Variants in CBX2 observed in about 807,000 individuals in gnomAD.
CBX2 encodes chromobox 2.
CBX2 carries 11 observed loss-of-function variants against 21.0 expected under a neutral mutation model. The observed-to-expected ratio is 0.52, with a 90% CI of 0.33 to 0.87. The LOEUF (loss-of-function observed/expected upper bound fraction) is 0.87, where lower values mean the gene tolerates loss of function less well. CBX2 is among the 40% of genes least tolerant of loss of function. The pLI is 0.02. For synonymous variants in CBX2, 364 were observed against 304.6 expected, an observed-to-expected ratio of 1.19 and a Z score of -2.03; for missense variants, 746 against 724.3, an observed-to-expected ratio of 1.03 and a Z score of -0.34.
Position 79,779,346 on chromosome 17 carries a change from G to C in CBX2, c.117-16G>C. 2 of 1,612,906 alleles carry C rather than the reference G, an allele frequency of 1.2e-6. No individual in the cohort carries two copies. Among genetic ancestry groups the C allele is most frequent in the Non-Finnish European group, 1.7e-6 (2 of 1,179,606 alleles). Reference sequence around the variant, plus strand: ...TCAGCCTGGCGTCTAATGCTGCCCTGTCCTCTGCTTTGCAGACATAACAGC... The same window carrying C: ...TCAGCCTGGCGTCTAATGCTGCCCTCTCCTCTGCTTTGCAGACATAACAGC... On this transcript the variant is annotated splice_polypyrimidine_tract_variant and intron_variant, in intron 2 of 4. Transcript: ENST00000310942.
chr17:79,783,432 C>A (rs536411911), intron 4 of CBX2, among the ~76,000 whole-genome samples: 1 of 146,444 alleles, frequency 6.8e-6, no homozygotes, highest in African/African-American at 2.5e-5. Flanking sequence ...TTTTTTGAGA[C>A]GTAGTCTCGC....
upstream of CBX2, among the ~76,000 whole-genome samples, chr17:79,777,515 A>T (rs74851309): frequency 0.018 from 2,751 of 152,314 alleles, 95 homozygotes; most frequent in African/African-American, 0.063. Context: ...TTTAAGTTAA[A>T]GCATTTTCCT....
chr17:79,779,693 C>A, intron 3 of CBX2: 1 of 520,160 alleles, frequency 1.9e-6, no homozygotes, highest in Non-Finnish European at 3.5e-6. Context: ...GCCATACTTG[C>A]AAAAACCAAC....
At position 79,787,879 on chromosome 17, in the gene CBX2, A is replaced by G. The variant is rs1447671541; in HGVS notation, c.*2837A>G. On this transcript the variant is annotated 3_prime_UTR_variant, in exon 5 of 5. Transcript: ENST00000310942. Reference sequence around the variant, plus strand: ...GGGCTCTGGGCCGAGAGCTTTCACTAAGGGGAGACTTCAGGGGAGGATCAA... The same window carrying G: ...GGGCTCTGGGCCGAGAGCTTTCACTGAGGGGAGACTTCAGGGGAGGATCAA... 1 of 152,162 alleles carries G rather than the reference A, an allele frequency of 6.6e-6. No homozygotes were observed. Among genetic ancestry groups the G allele is most frequent in the African/African-American group, 2.4e-5 (1 of 41,434 alleles). 9.4% of individuals were successfully genotyped at this position (152,162 alleles called of 1,614,324 possible). A position where few individuals can be genotyped will look rare whatever the true frequency, so the allele number is the denominator to read the frequency against.
rs570099997 is a variant in CBX2, at chr17:79,782,247, C to T, written c.288+446C>T. 111 of 1,575,622 alleles carry T rather than the reference C, an allele frequency of 7.0e-5. 1 individual carries two copies. In the South Asian group the frequency reaches 9.6e-4, roughly 14 times the overall value. On this transcript the variant is annotated intron_variant, in intron 4 of 4. Transcript: ENST00000310942. ...GGTGCACCTTAAATCGAGGTGGCCA[C>T]GAAAGGCAGGGCTGACTGAATAGCC...
rs933722661 is a variant in CBX2, at chr17:79,787,831, C to T, written c.*2789C>T. On this transcript the variant is annotated 3_prime_UTR_variant, in exon 5 of 5. Coordinates refer to ENST00000310942, the MANE Select transcript of CBX2 (RefSeq NM_005189.3). ...GAGTGTTCCTTGTTTTGGTTACACT[C>T]GAAATTCTGACCTAGCTGGAGAGGG... 1 of 152,094 alleles carries T rather than the reference C, an allele frequency of 6.6e-6. No homozygotes were observed. The highest frequency in any genetic ancestry group is 1.5e-5 in the Non-Finnish European group (1 of 68,028). 9.4% of individuals were successfully genotyped at this position (152,094 alleles called of 1,614,324 possible). A position where few individuals can be genotyped will look rare whatever the true frequency, so the allele number is the denominator to read the frequency against.
At chr17:79,782,810 G>A (rs952481848) in intron 4 of CBX2, among the ~76,000 whole-genome samples, 3 of 152,132 alleles carry the variant, frequency 2.0e-5, no homozygotes, top group African/African-American at 4.8e-5. Flanking sequence ...GTAGGGAGGC[G>A]GTGTTGGATC....
chr17:79,783,706 A>G (rs1555830935), intron 4 of CBX2, 26 bp from the exon 5 acceptor site: 1 of 1,547,002 alleles, frequency 6.5e-7, no homozygotes, highest in Non-Finnish European at 8.7e-7. Flanking sequence ...CACTGCACCC[A>G]GCCAACTTCT....
Position 79,784,739 on chromosome 17 carries a change from G to T in CBX2, c.1296G>T (p.Lys432Asn), listed in dbSNP as rs1907510127. Reference protein sequence around the residue: ...PTPASKRDCVKGSATPSGQES... With the variant: ...PTPASKRDCVNGSATPSGQES... Reference sequence around the variant, plus strand: ...CTGCCAGCAAGAGGGACTGTGTCAAGGGCAGTGCTACCCCCAGTGGGCAGG... The same window carrying T: ...CTGCCAGCAAGAGGGACTGTGTCAATGGCAGTGCTACCCCCAGTGGGCAGG... The change falls in exon 5 of 5, where the codon AAG becomes AAT. Residue 432 changes from lysine (K) to asparagine (N), a missense_variant. Coordinates refer to ENST00000310942, the MANE Select transcript of CBX2 (RefSeq NM_005189.3). This position sits in a 1 kb window ranked among gnomAD's most constrained non-coding sequence, Gnocchi z 5.9. 5 of 1,611,198 alleles carry T rather than the reference G, an allele frequency of 3.1e-6. No individual in the cohort carries two copies. Among genetic ancestry groups the T allele is most frequent in the Non-Finnish European group, 4.2e-6 (5 of 1,179,218 alleles).
At position 79,784,259 on chromosome 17, in the gene CBX2, C is replaced by T. The variant is rs1907455856; in HGVS notation, c.816C>T (p.Ser272=). 2 of 1,612,970 alleles carry T rather than the reference C, an allele frequency of 1.2e-6. No individual in the cohort carries two copies. Among genetic ancestry groups the T allele is most frequent in the South Asian group, 1.1e-5 (1 of 91,078 alleles). Residue 272 remains serine (S), a synonymous_variant, in exon 5 of 5, where the codon AGC becomes AGT. Coordinates refer to ENST00000310942, the MANE Select transcript of CBX2 (RefSeq NM_005189.3). The surrounding 1 kb of genome is among the most constrained non-coding windows in gnomAD (Gnocchi z 5.9). The part of the protein sequence containing the change: ...RMTQSQAQAA[S]RLALKAQATN... Reference sequence around the variant, plus strand: ...CCCAGAGCCAGGCCCAGGCTGCCAGCAGGTTGGCGCTGAAGGCCCAGGCCA... The same window carrying T: ...CCCAGAGCCAGGCCCAGGCTGCCAGTAGGTTGGCGCTGAAGGCCCAGGCCA...
chr17:79,782,615 C>G (rs977393907), intron 4 of CBX2: 1 of 544,400 alleles, frequency 1.8e-6, no homozygotes, highest in Non-Finnish European at 2.4e-6. Flanking sequence ...ACAGGATTCC[C>G]TGCTGTAGAA....
chr17:79,777,907 GCCCGCCCGCGCC>G (rs1353321732), upstream of CBX2, among the ~76,000 whole-genome samples: 41 of 147,954 alleles, frequency 2.8e-4, 1 homozygote, highest in South Asian at 8.4e-3. Flanking sequence ...CCAGCCAGGG[GCCCGCCCGCGCC>G]CCCACCCCCG....
At chr17:79,781,665 T>G (rs1038808593) in intron 3 of CBX2, 31 bp from the exon 4 acceptor site, 1 of 1,576,348 alleles carries the variant, frequency 6.3e-7, no homozygotes, top group Non-Finnish European at 8.7e-7. Flanking sequence ...GCACAGGGCT[T>G]CTCCCCCATT....
rs147956644 is a variant in CBX2 at position 79,784,944 on chromosome 17, G to C, written c.1501G>C (p.Glu501Gln). Reference sequence around the variant, plus strand: ...CTGGAAGCCCACCCGCAGCCTCATCGAGCACGTATTTGTCACCGACGTCAC... The same window carrying C: ...CTGGAAGCCCACCCGCAGCCTCATCCAGCACGTATTTGTCACCGACGTCAC... ...QDWKPTRSLIEHVFVTDVTAN... is the reference protein window; with the variant it reads ...QDWKPTRSLIQHVFVTDVTAN... The change falls in exon 5 of 5, where the codon GAG (glutamate) becomes CAG (glutamine). Residue 501 changes from glutamate (E) to glutamine (Q), a missense_variant. Glu to Gln is a conservative substitution (Grantham distance 29). Transcript: ENST00000310942. This position sits in a 1 kb window ranked among gnomAD's most constrained non-coding sequence, Gnocchi z 5.9. 1.2e-6 allele frequency: 2 copies of C among 1,612,320 alleles called. No homozygotes were observed. Among genetic ancestry groups the C allele is most frequent in the South Asian group, 2.2e-5 (2 of 91,092 alleles).
chr17:79,784,516 T>C lies in CBX2; in HGVS notation c.1073T>C (p.Leu358Ser). The change falls in exon 5 of 5, where the codon TTG (leucine) becomes TCG (serine). Residue 358 changes from leucine to serine, a missense_variant. By Grantham distance (145) the Leu-to-Ser change is moderately radical. Coordinates refer to ENST00000310942, the MANE Select transcript of CBX2 (RefSeq NM_005189.3). The surrounding 1 kb of genome is among the most constrained non-coding windows in gnomAD (Gnocchi z 5.9). The stretch of plus-strand genomic sequence containing the variant: ...GAGCTGAGCCTCCAGGTCTTGGACT[T>C]GCAGAGTGTCAAGAATGGCATGCCC... ...TQELSLQVLD[L>S]QSVKNGMPGV... 6.2e-7 allele frequency: 1 copy of C among 1,612,522 alleles called. No homozygotes were observed. The highest frequency in any genetic ancestry group is 8.5e-7 in the Non-Finnish European group (1 of 1,179,872).
At position 79,783,661 on chromosome 17, in the gene CBX2, C is replaced by T. The variant is rs550678514; in HGVS notation, c.289-71C>T. The T allele has an allele frequency of 6.8e-5, 91 of 1,346,180 alleles. 1 individual carries two copies. The South Asian group carries it at 8.7e-4, about 13-fold the overall frequency. 83.4% of individuals were successfully genotyped at this position (1,346,180 alleles called of 1,614,324 possible). On this transcript the variant is annotated intron_variant, in intron 4 of 4. Coordinates refer to ENST00000310942, the MANE Select transcript of CBX2 (RefSeq NM_005189.3). ...CTGACCTCAGGTGATCCACCCGCTT[C>T]GGCCTCCCAAAGTGCTGGGATTACA... is the stretch of plus-strand genomic sequence containing the variant.
At position 79,784,687 on chromosome 17, in the gene CBX2, C is replaced by T. The variant is rs564660447; in HGVS notation, c.1244C>T (p.Ala415Val). 4.3e-6 allele frequency: 7 copies of T among 1,611,990 alleles called. No individual in the cohort carries two copies. The highest frequency in any genetic ancestry group is 5.1e-6 in the Non-Finnish European group (6 of 1,179,672). ...GACACAAGCAAAAGTGAGAAGCTGG[C>T]TTCCAGAGCAGTGGCGCCACCCACC... ...PTDTSKSEKL[A>V]SRAVAPPTPA... Residue 415 changes from alanine (A) to valine (V), a missense_variant, in exon 5 of 5, where the codon GCT becomes GTT. Physicochemically the swap from Ala to Val is moderately conservative, Grantham distance 64. This residue lies in a region of CBX2 where 701 missense variants were observed against 650.7 expected (regional missense o/e 1.08). Coordinates refer to ENST00000310942, the MANE Select transcript of CBX2 (RefSeq NM_005189.3). The surrounding 1 kb of genome is among the most constrained non-coding windows in gnomAD (Gnocchi z 5.9).
intron 4 of CBX2, among the ~76,000 whole-genome samples, chr17:79,782,723 G>A (rs891785528): frequency 6.6e-5 from 10 of 152,202 alleles, no homozygotes; most frequent in African/African-American, 2.2e-4. Context: ...CTGAGGAGTG[G>A]CCACAAGGCA....
At position 79,784,639 on chromosome 17, in the gene CBX2, C is replaced by A. The variant is rs377709788; in HGVS notation, c.1196C>A (p.Ala399Asp). Reference protein sequence around the residue: ...GKGTGSGLIGASGATMPTDTS... With the variant: ...GKGTGSGLIGDSGATMPTDTS... ...GGCACTGGGAGTGGCCTCATTGGGG[C>A]CAGCGGGGCCACCATGCCCACCGAC... Residue 399 changes from alanine to aspartate, a missense_variant, in exon 5 of 5, where the codon GCC (alanine) becomes GAC (aspartate). By Grantham distance (126) the Ala-to-Asp change is moderately radical. Around this residue, in one of 2 missense-constraint regions of CBX2, gnomAD observed 701 missense variants for 650.7 expected, o/e 1.08. Transcript: ENST00000310942. This position sits in a 1 kb window ranked among gnomAD's most constrained non-coding sequence, Gnocchi z 5.9. 1 of 1,612,402 alleles carries A rather than the reference C, an allele frequency of 6.2e-7. No homozygotes were observed. The highest frequency in any genetic ancestry group is 8.5e-7 in the Non-Finnish European group (1 of 1,179,876).
Sources: gnomAD v4.1 joint callset for allele counts (sites outside exome capture counted in the v4.1 genomes callset) on GRCh38, gnomAD v4.1.1 for gene constraint, gnomAD v4.1.1 regional missense constraint, Gnocchi (gnomAD v3.1) non-coding constraint, MANE v1.5 for transcripts, NCBI Gene and HGNC (gene_info 2026-07-23, HGNC 2026-07-21) for gene names.